PCDHA2: variants seen among roughly 807,000 people sequenced by gnomAD.
The protein encoded by PCDHA2 is protocadherin alpha 2.
PCDHA2 carries 58 observed loss-of-function variants against 66.0 expected under a neutral mutation model. The observed-to-expected ratio is 0.88, with a 90% CI of 0.71 to 1.09. The LOEUF (loss-of-function observed/expected upper bound fraction) is 1.09, where lower values mean the gene tolerates loss of function less well. Ranked by LOEUF, PCDHA2 falls within the 50% of genes least tolerant of loss-of-function variation. PCDHA2 has a pLI of 0.00. For missense variants in PCDHA2, 1,267 were observed against 1,242.3 expected, an observed-to-expected ratio of 1.02 and a Z score of -0.30; for synonymous variants, 634 against 554.0, an observed-to-expected ratio of 1.14 and a Z score of -2.03.
At chr5:140,953,104 G>T (rs535123595) in intron 1 of PCDHA2, among the ~76,000 whole-genome samples, 1 of 152,244 alleles carries the variant, frequency 6.6e-6, no homozygotes, top group African/African-American at 2.4e-5. Flanking sequence ...CATGAGATTT[G>T]GGCAGGGACA....
At chr5:140,865,966 T>C (rs1376241258) in intron 1 of PCDHA2, 5 of 152,194 alleles carry the variant, frequency 3.3e-5, no homozygotes, top group Non-Finnish European at 2.9e-5. Context: ...TTTTGTACAA[T>C]GTGTGATTGA....
intron 1 of PCDHA2, among the ~76,000 whole-genome samples, chr5:140,924,901 AAAAATAAAATAAAAT>A (rs10667761): frequency 2.0e-3 from 158 of 80,494 alleles, no homozygotes; most frequent in African/African-American, 5.2e-3. Context: ...TCTCAAAAAA[AAAAATAAAATAAAAT>A]AAAATAAAAT....
chr5:140,999,985 G>T (rs1451778210), intron 3 of PCDHA2, among the ~76,000 whole-genome samples: 1 of 152,022 alleles, frequency 6.6e-6, no homozygotes, highest in African/African-American at 2.4e-5. Context: ...AGCGGCCTCT[G>T]GGTAGTGGTA....
chr5:140,867,218 C>T (rs1306358108), intron 1 of PCDHA2: 1 of 152,104 alleles, frequency 6.6e-6, no homozygotes, highest in Non-Finnish European at 1.5e-5. Context: ...TCTTCATCCC[C>T]AATTCCCATA....
intron 1 of PCDHA2, chr5:140,870,439 G>C (rs374343977): frequency 6.2e-7 from 1 of 1,614,126 alleles, no homozygotes; most frequent in African/African-American, 1.3e-5. Flanking sequence ...GGAGGTGGCC[G>C]ACGTGAACGA....
intron 1 of PCDHA2, chr5:140,811,071 T>C (rs571435620): frequency 6.6e-6 from 1 of 152,242 alleles, no homozygotes; most frequent in Non-Finnish European, 1.5e-5. Context: ...GTTTGTTACA[T>C]AGGTATACAT....
In PCDHA2 at chr5:140,848,069, G is replaced by A. The variant is rs116084528; in HGVS notation, c.2388+50717G>A. 759 of 162,530 alleles carry A rather than the reference G, an allele frequency of 4.7e-3. 42 individuals are homozygous for A. The highest frequency in any genetic ancestry group is 0.017 in the African/African-American group (710 of 41,160). 10.1% of individuals were successfully genotyped at this position (162,530 alleles called of 1,614,324 possible). A position where few individuals can be genotyped will look rare whatever the true frequency, so the allele number is the denominator to read the frequency against. ...TTTTAATTGTTACTTCATTTCTGTC[G>A]TTATTTAAAACTTAAGTGGAGAGTT... On this transcript the variant is annotated intron_variant, in intron 1 of 3. Transcript: ENST00000526136.
intron 3 of PCDHA2, among the ~76,000 whole-genome samples, chr5:140,987,599 C>T (rs1475170913): frequency 1.3e-5 from 2 of 152,086 alleles, no homozygotes; most frequent in Non-Finnish European, 2.9e-5. Context: ...GTGGTGTCTA[C>T]CTTATAGGGT....
chr5:140,887,707 C>A (rs1554183190), intron 1 of PCDHA2, among the ~76,000 whole-genome samples: 1 of 152,132 alleles, frequency 6.6e-6, no homozygotes, highest in African/African-American at 2.4e-5. Context: ...AACCATACTT[C>A]TTCTAATAGT....
intron 1 of PCDHA2, chr5:140,836,205 T>C (rs1774283455): frequency 1.2e-6 from 2 of 1,613,668 alleles, no homozygotes; most frequent in African/African-American, 2.7e-5. Flanking sequence ...CGCGTGGCTT[T>C]CGTATGAGTT....
At chr5:140,830,487 T>C in intron 1 of PCDHA2, 1 of 1,497,798 alleles carries the variant, frequency 6.7e-7, no homozygotes, top group East Asian at 2.4e-5. Flanking sequence ...GATGCCAAAG[T>C]AAGTGAATTT....
chr5:140,882,560 C>G (rs150463901), intron 1 of PCDHA2: 2 of 1,614,168 alleles, frequency 1.2e-6, no homozygotes, highest in African/African-American at 2.7e-5. Context: ...GCTGTGTGGG[C>G]GGAGCGCGGA....
intron 1 of PCDHA2, chr5:140,968,038 C>T (rs1554230238): frequency 8.7e-6 from 14 of 1,614,148 alleles, no homozygotes; most frequent in East Asian, 2.2e-5. Flanking sequence ...TGGTGGTGAG[C>T]GGCCCACTGG....
intron 1 of PCDHA2, chr5:140,805,315 C>T: frequency 7.9e-7 from 1 of 1,272,834 alleles, no homozygotes; most frequent in Non-Finnish European, 9.9e-7. Context: ...CTCCTTTTTT[C>T]CAATGTGCTT....
In PCDHA2 at chr5:140,796,613, C is replaced by T; in HGVS notation, c.1649C>T (p.Thr550Met). 1.2e-6 allele frequency: 2 copies of T among 1,611,940 alleles called. No individual in the cohort carries two copies. The highest frequency in any genetic ancestry group is 1.7e-6 in the Non-Finnish European group (2 of 1,179,396). Residue 550 changes from threonine (T) to methionine (M), a missense_variant, in exon 1 of 4, where the codon ACG becomes ATG. Coordinates refer to ENST00000526136, the MANE Select transcript of PCDHA2 (RefSeq NM_018905.3). ...GTGCCGCCTCTGGGCAGCAACGTGA[C>T]GCTGCAGGTGTTCGTGCTGGACGAG... ...AGVPPLGSNVTLQVFVLDEND... is the reference protein window; with the variant it reads ...AGVPPLGSNVMLQVFVLDEND...
At chr5:140,829,268 G>C (rs2150164967) in intron 1 of PCDHA2, 4 of 1,614,210 alleles carry the variant, frequency 2.5e-6, no homozygotes, top group East Asian at 2.2e-5. Flanking sequence ...GACGCCTCAC[G>C]TCCCTTTCAA....
At chr5:140,834,330 C>T (rs1443082760) in intron 1 of PCDHA2, 11 of 1,472,318 alleles carry the variant, frequency 7.5e-6, no homozygotes, top group African/African-American at 1.4e-5. Context: ...AAAAACATTC[C>T]TATAAATTCG....
chr5:140,944,472 G>C (rs1554216383), intron 1 of PCDHA2, among the ~76,000 whole-genome samples: 2 of 152,220 alleles, frequency 1.3e-5, no homozygotes, highest in Non-Finnish European at 2.9e-5. Context: ...CAGGTATGAG[G>C]CACTGGACTG....
chr5:140,832,938 T>C (rs1176338223), intron 1 of PCDHA2, among the ~76,000 whole-genome samples: 1 of 152,010 alleles, frequency 6.6e-6, no homozygotes, highest in Non-Finnish European at 1.5e-5. Context: ...GAGAAGAGAG[T>C]AACTTAAGTG....
Sources: gnomAD v4.1 joint callset for allele counts (sites outside exome capture counted in the v4.1 genomes callset) on GRCh38, gnomAD v4.1.1 for gene constraint, MANE v1.5 for transcripts, NCBI Gene and HGNC (gene_info 2026-07-23, HGNC 2026-07-21) for gene names.